BMPR1B: variants seen among roughly 807,000 people sequenced by gnomAD.
The protein encoded by BMPR1B is bone morphogenetic protein receptor type 1B, also known as bone morphogenetic protein receptor type-1B.
Under a neutral mutation model 59.1 loss-of-function variants are expected in BMPR1B, and 12 were observed. That is an observed-to-expected ratio of 0.20 (90% CI 0.13 to 0.33). BMPR1B has a LOEUF of 0.33. Among genes scored for constraint, BMPR1B ranks in the 10% least tolerant of loss-of-function variants. The probability of loss-of-function intolerance (pLI) is 1.00; values close to 1 mark genes in which losing one functional copy is unlikely to be tolerated. For synonymous variants in BMPR1B, 237 were observed against 207.3 expected, an observed-to-expected ratio of 1.14 and a Z score of -1.23; for missense variants, 550 against 610.9, an observed-to-expected ratio of 0.90 and a Z score of 1.05.
intron 1 of BMPR1B, among the ~76,000 whole-genome samples, chr4:94,830,830 T>A (rs182702120): frequency 3.5e-4 from 53 of 152,300 alleles, no homozygotes; most frequent in Non-Finnish European, 6.9e-4. Flanking sequence ...TACTCACCTG[T>A]TCATGGTGAT....
At chr4:95,151,722 TC>T in intron 11 of BMPR1B, among the ~76,000 whole-genome samples, 1 of 152,186 alleles carries the variant, frequency 6.6e-6, no homozygotes, top group Admixed American at 6.5e-5. Flanking sequence ...TGATATATAA[TC>T]TGCCAACTTG....
chr4:95,089,462 G>T (rs2149246504), intron 3 of BMPR1B, among the ~76,000 whole-genome samples: 1 of 152,166 alleles, frequency 6.6e-6, no homozygotes, highest in East Asian at 1.9e-4. Context: ...TTCGATAAAA[G>T]AATATAAAGA....
At chr4:94,923,029 C>T (rs1409207047) in intron 2 of BMPR1B, among the ~76,000 whole-genome samples, 1 of 152,114 alleles carries the variant, frequency 6.6e-6, no homozygotes, top group Non-Finnish European at 1.5e-5. Context: ...GAACTCACAT[C>T]AAAAGTGCTA....
At chr4:94,932,436 T>C (rs1560553555) in intron 2 of BMPR1B, among the ~76,000 whole-genome samples, 1 of 152,180 alleles carries the variant, frequency 6.6e-6, no homozygotes. Context: ...TTTGAAACAC[T>C]TTAAAAAAGT....
At chr4:94,899,440 C>T (rs1205785642) in intron 2 of BMPR1B, among the ~76,000 whole-genome samples, 1 of 148,528 alleles carries the variant, frequency 6.7e-6, no homozygotes, top group Non-Finnish European at 1.5e-5. Context: ...TATACACACA[C>T]ACATACACAC....
chr4:94,795,131 A>T (rs1723137163), intron 1 of BMPR1B, among the ~76,000 whole-genome samples: 1 of 144,972 alleles, frequency 6.9e-6, no homozygotes, highest in South Asian at 2.3e-4. Context: ...GTTTTTGCCC[A>T]TTGAGTATGA....
intron 2 of BMPR1B, among the ~76,000 whole-genome samples, chr4:94,984,298 C>A (rs3775031): frequency 6.6e-6 from 1 of 151,982 alleles, no homozygotes; most frequent in Non-Finnish European, 1.5e-5. Flanking sequence ...TCCAGTAACA[C>A]CTGATATGCA....
At chr4:95,041,695 A>G (rs571327664) in intron 3 of BMPR1B, among the ~76,000 whole-genome samples, 7 of 152,048 alleles carry the variant, frequency 4.6e-5, no homozygotes, top group Non-Finnish European at 7.4e-5. Context: ...GTCTGATCCA[A>G]TGAATTCTTA....
At chr4:94,801,595 A>T (rs989462548) in intron 1 of BMPR1B, among the ~76,000 whole-genome samples, 2 of 152,216 alleles carry the variant, frequency 1.3e-5, no homozygotes, top group African/African-American at 2.4e-5. Context: ...CTTCATGACT[A>T]CTATCTATAG....
rs757843329 is a variant in BMPR1B at position 95,125,116 on chromosome 4, C to G, written c.580C>G (p.Leu194Val). The G allele has an allele frequency of 1.5e-5, 24 of 1,613,588 alleles. No individual in the cohort carries two copies. The highest frequency in any genetic ancestry group is 1.6e-4 in the Middle Eastern group (1 of 6,080). The change falls in exon 8 of 13, where the codon CTG becomes GTG. Residue 194 changes from leucine (L) to valine (V), a missense_variant. Physicochemically the swap from Leu to Val is conservative, Grantham distance 32. Around this residue, in one of 6 missense-constraint regions of BMPR1B, gnomAD observed 318 missense variants for 284.6 expected, o/e 1.12. Coordinates refer to ENST00000515059, the MANE Select transcript of BMPR1B (RefSeq NM_001203.3). Reference sequence around the variant, plus strand: ...CTCAGGAAGTGGATCAGGCCTCCCTCTGCTGGTATGAGAAGAACACATCTT... The same window carrying G: ...CTCAGGAAGTGGATCAGGCCTCCCTGTGCTGGTATGAGAAGAACACATCTT... The part of the protein sequence containing the change: ...QSSGSGSGLP[L>V]LVQRTIAKQI...
chr4:95,051,539 GTTTGTAACAGGCT>G lies in BMPR1B; in HGVS notation c.-17-52867_-17-52855del, dbSNP rs1313590481. On this transcript the variant is annotated intron_variant, in intron 3 of 12. Coordinates refer to ENST00000515059, the MANE Select transcript of BMPR1B (RefSeq NM_001203.3). ...TGAAGTCTCTGTGGTGACAGAACCA[GTTTGTAACAGGCT>G]TGTCTTTCACGGTCCTGTCTCAGGG... is the stretch of plus-strand genomic sequence containing the variant. The G allele has an allele frequency of 1.7e-5, 11 of 641,194 alleles. No homozygotes were observed. The East Asian group carries it at 3.1e-4, about 18-fold the overall frequency. 39.7% of individuals were successfully genotyped at this position (641,194 alleles called of 1,614,324 possible).
intron 3 of BMPR1B, among the ~76,000 whole-genome samples, chr4:95,029,582 C>T (rs1033883132): frequency 1.3e-5 from 2 of 152,092 alleles, no homozygotes; most frequent in South Asian, 4.1e-4. Flanking sequence ...CATACGTGTG[C>T]ATGTGTCTTT....
chr4:94,963,114 A>G (rs189140198), intron 2 of BMPR1B, among the ~76,000 whole-genome samples: 1 of 152,312 alleles, frequency 6.6e-6, no homozygotes, highest in Admixed American at 6.5e-5. Flanking sequence ...GGACATTTGT[A>G]TACCTTCTTT....
At chr4:94,765,863 C>T (rs1721950254) in intron 1 of BMPR1B, among the ~76,000 whole-genome samples, 3 of 152,156 alleles carry the variant, frequency 2.0e-5, no homozygotes, top group Admixed American at 2.0e-4. Flanking sequence ...TGGATGGCAG[C>T]ATAGCCTCCT....
rs1553919924 is a variant in BMPR1B, at chr4:94,937,727, C to CAG, written c.-112-58312_-112-58311insGA. 6.7e-3 allele frequency among the ~76,000 whole-genome samples: 944 copies of CAG among 141,772 alleles called. 14 individuals are homozygous for CAG. Among genetic ancestry groups the CAG allele is most frequent in the African/African-American group, 0.027 (894 of 33,502 alleles). 93.0% of individuals were successfully genotyped at this position (141,772 alleles called of 152,430 possible). The stretch of plus-strand genomic sequence containing the variant: ...GTATAAACACACACACAGACACACA[C>CAG]ACACACACACAGACACACACAATCC... On this transcript the variant is annotated intron_variant, in intron 2 of 12. Coordinates refer to ENST00000515059, the MANE Select transcript of BMPR1B (RefSeq NM_001203.3).
intron 2 of BMPR1B, among the ~76,000 whole-genome samples, chr4:94,950,743 C>A (rs1729901699): frequency 6.6e-6 from 1 of 152,132 alleles, no homozygotes; most frequent in South Asian, 2.1e-4. Flanking sequence ...CAGTTTTGTT[C>A]TTTTTGCTCA....
intron 6 of BMPR1B, among the ~76,000 whole-genome samples, chr4:95,116,404 C>G (rs568075249): frequency 2.1e-5 from 3 of 140,904 alleles, no homozygotes; most frequent in South Asian, 4.6e-4. Flanking sequence ...TTCTCCTCCT[C>G]CATGCTTTCA....
intron 2 of BMPR1B, among the ~76,000 whole-genome samples, chr4:94,952,826 G>A (rs1203960110): frequency 1.3e-5 from 2 of 152,104 alleles, no homozygotes; most frequent in East Asian, 3.9e-4. Context: ...TTAATTTTCT[G>A]TCTCACTGAT....
chr4:94,867,955 C>T (rs541667702), intron 1 of BMPR1B, among the ~76,000 whole-genome samples: 1 of 152,216 alleles, frequency 6.6e-6, no homozygotes, highest in African/African-American at 2.4e-5. Context: ...AGGTGATTCT[C>T]CTGCCTCAGC....
Sources: gnomAD v4.1 joint callset for allele counts (sites outside exome capture counted in the v4.1 genomes callset) on GRCh38, gnomAD v4.1.1 for gene constraint, gnomAD v4.1.1 regional missense constraint, MANE v1.5 for transcripts, NCBI Gene and HGNC (gene_info 2026-07-23, HGNC 2026-07-21) for gene names.